ANGPTL7: variants seen among roughly 807,000 people sequenced by gnomAD.
ANGPTL7 encodes the protein angiopoietin like 7, also known as angiopoietin-related protein 7.
Under a neutral mutation model 38.8 loss-of-function variants are expected in ANGPTL7, and 37 were observed. The observed-to-expected ratio is 0.95, with a 90% CI of 0.73 to 1.25. ANGPTL7 has a LOEUF of 1.25. ANGPTL7 is among the 50% of genes most tolerant of loss of function. ANGPTL7 has a pLI of 0.00. For synonymous variants in ANGPTL7, 166 were observed against 163.2 expected (o/e 1.02, Z -0.13); for missense variants, 427 against 438.6 (o/e 0.97, Z 0.24).
chr1:11,192,496 C>G, intron 2 of ANGPTL7, 126 bp downstream of exon 2: 1 of 754,030 alleles, frequency 1.3e-6, no homozygotes, highest in South Asian at 1.7e-5. Context: ...TGGCTCACAC[C>G]TGTAATCCCA....
rs946800795 is a variant in ANGPTL7 at position 11,195,647 on chromosome 1, C to T, written c.*624C>T. On this transcript the variant is annotated 3_prime_UTR_variant, in exon 5 of 5. Transcript: ENST00000376819. ...CTGGCGATCAGACTCTGAGCACTGC[C>T]CCTGCTCGCCTTGGTCATGTACAGC... The T allele has an allele frequency of 2.0e-5, 3 of 153,632 alleles. No homozygotes were observed. Among genetic ancestry groups the T allele is most frequent in the Admixed American group, 1.9e-4 (3 of 15,412 alleles). 9.5% of individuals were successfully genotyped at this position (153,632 alleles called of 1,614,324 possible). A position where few individuals can be genotyped will look rare whatever the true frequency, so the allele number is the denominator to read the frequency against.
rs746484379 is a variant in ANGPTL7, at chr1:11,194,987, G to C, written c.1005G>C (p.Val335=). The change falls in exon 5 of 5, where the codon GTG becomes GTC. Residue 335 remains valine (V), a synonymous_variant. Transcript: ENST00000376819. ...WHGSTYSLKR[V]EMKIRPEDFK... ...GATCTACCTACTCCCTCAAACGGGT[G>C]GAGATGAAAATCCGCCCAGAAGACT... The C allele has an allele frequency of 1.9e-5, 31 of 1,614,032 alleles. 1 individual carries two copies. In the Middle Eastern group the frequency reaches 2.5e-3, roughly 131 times the overall value.
In ANGPTL7 at chr1:11,193,716, G is replaced by T; in HGVS notation, c.614G>T (p.Gly205Val). ...FGSIRGDFWL[G>V]NEHIHRLSRQ... ...AGCATCCGTGGGGACTTCTGGCTGG[G>T]GAACGAACACATCCACCGGCTCTCC... Residue 205 changes from glycine (G) to valine (V), a missense_variant, in exon 3 of 5, where the codon GGG becomes GTG. Coordinates refer to ENST00000376819, the MANE Select transcript of ANGPTL7 (RefSeq NM_021146.4). 6.2e-7 allele frequency: 1 copy of T among 1,614,118 alleles called. No individual in the cohort carries two copies. Among genetic ancestry groups the T allele is most frequent in the Non-Finnish European group, 8.5e-7 (1 of 1,180,018 alleles).
chr1:11,194,684 G>A (rs1386152143), intron 4 of ANGPTL7, 25 bp downstream of exon 4: 1 of 1,613,760 alleles, frequency 6.2e-7, no homozygotes, highest in African/African-American at 1.3e-5. Context: ...GACCGGAAAG[G>A]AGAAGTTCAG....
At chr1:11,192,156 G>C in intron 1 of ANGPTL7, 114 bp from the exon 2 acceptor site, 1 of 792,646 alleles carries the variant, frequency 1.3e-6, no homozygotes, top group Non-Finnish European at 2.1e-6. Flanking sequence ...ACACTGATGG[G>C]TAATTAACAC....
In ANGPTL7 at chr1:11,194,559, T is replaced by C. The variant is rs1399920366; in HGVS notation, c.771T>C (p.Asn257=). ...YRLFLGNYTG[N]VGNDALQYHN... ...TCTTCCTGGGGAACTACACTGGCAATGTGGGGAACGACGCCCTCCAGTATC... is the reference window on the plus strand; with the variant it reads ...TCTTCCTGGGGAACTACACTGGCAACGTGGGGAACGACGCCCTCCAGTATC... Residue 257 remains asparagine (N), a synonymous_variant, in exon 4 of 5, where the codon AAT becomes AAC. Transcript: ENST00000376819. The C allele has an allele frequency of 1.4e-5, 22 of 1,613,968 alleles. No homozygotes were observed. The highest frequency in any genetic ancestry group is 2.7e-5 in the African/African-American group (2 of 74,888).
At chr1:11,192,972 T>A (rs934089836) in intron 2 of ANGPTL7, among the ~76,000 whole-genome samples, 1 of 151,962 alleles carries the variant, frequency 6.6e-6, no homozygotes, top group African/African-American at 2.4e-5. Context: ...CTAGAACAGC[T>A]ATTCCTTGGG....
intron 4 of ANGPTL7, 35 bp from the exon 5 acceptor site, chr1:11,194,819 C>A: frequency 6.2e-7 from 1 of 1,611,070 alleles, no homozygotes; most frequent in Non-Finnish European, 8.5e-7. Context: ...CTATCACAGT[C>A]AACTTACTAG....
At chr1:11,192,748 TAAAAAAAAAAA>T (rs56996673) in intron 2 of ANGPTL7, among the ~76,000 whole-genome samples, 1 of 119,254 alleles carries the variant, frequency 8.4e-6, no homozygotes. Flanking sequence ...CCATTTCAAT[TAAAAAAAAAAA>T]AAAAAAAAAG....
intron 2 of ANGPTL7, 142 bp from the exon 3 acceptor site, chr1:11,193,438 A>C: frequency 1.4e-6 from 1 of 708,830 alleles, no homozygotes; most frequent in Middle Eastern, 3.7e-4. Flanking sequence ...GGGCAGCATC[A>C]CTGCCCGAGT....
intron 1 of ANGPTL7, among the ~76,000 whole-genome samples, chr1:11,191,049 A>G (rs1191295340): frequency 6.6e-6 from 1 of 152,210 alleles, no homozygotes; most frequent in Non-Finnish European, 1.5e-5. Context: ...GTGAGTCCTG[A>G]TTTGGTCTGT....
chr1:11,191,493 C>T (rs1412847033), intron 1 of ANGPTL7, among the ~76,000 whole-genome samples: 2 of 152,172 alleles, frequency 1.3e-5, no homozygotes, highest in East Asian at 3.8e-4. Flanking sequence ...CGAGACATAG[C>T]AGGCAGGAAG....
intron 1 of ANGPTL7, among the ~76,000 whole-genome samples, chr1:11,191,875 G>A (rs926527642): frequency 4.6e-5 from 7 of 152,164 alleles, no homozygotes; most frequent in Admixed American, 3.9e-4. Context: ...AGATATTCAC[G>A]ACTGATTTGT....
At position 11,189,808 on chromosome 1, in the gene ANGPTL7, G is replaced by A. The variant is rs775409689; in HGVS notation, c.229G>A (p.Val77Met). 6.2e-6 allele frequency: 10 copies of A among 1,614,094 alleles called. No individual in the cohort carries two copies. In the East Asian group the frequency reaches 6.7e-5, roughly 11 times the overall value. ...GAAGCAGGAGAGGGACTGGGTCAGC[G>A]TGGTCATGCAGGTGATGGAGCTGGA... The part of the protein sequence containing the change: ...NKKQERDWVS[V>M]VMQVMELESN... Residue 77 changes from valine to methionine, a missense_variant, in exon 1 of 5, where the codon GTG becomes ATG. By Grantham distance (21) the Val-to-Met change is conservative. Transcript: ENST00000376819.
In ANGPTL7 at chr1:11,192,067, C is replaced by T. The variant is rs28991000; in HGVS notation, c.377-203C>T. Among the ~76,000 whole-genome samples, 348 of 152,248 alleles carry T rather than the reference C, an allele frequency of 2.3e-3. 5 individuals carry two copies. The highest frequency in any genetic ancestry group is 8.1e-3 in the African/African-American group (336 of 41,534). On this transcript the variant is annotated intron_variant, in intron 1 of 4. Coordinates refer to ENST00000376819, the MANE Select transcript of ANGPTL7 (RefSeq NM_021146.4). ...AATGCTATCCAGGTGAAGGGCTTCC[C>T]TACCCCTCTGCTCCACCGCTAGTAA...
intron 3 of ANGPTL7, 56 bp from the exon 4 acceptor site, chr1:11,194,405 G>C: frequency 6.5e-7 from 1 of 1,547,110 alleles, no homozygotes; most frequent in African/African-American, 1.4e-5. Context: ...GGGGTATAGA[G>C]ACAGCATGAA....
chr1:11,194,762 T>C, intron 4 of ANGPTL7, 92 bp from the exon 5 acceptor site: 1 of 1,597,502 alleles, frequency 6.3e-7, no homozygotes, highest in South Asian at 1.1e-5. Flanking sequence ...ATTCCGGTTT[T>C]GGTATTCTTT....
intron 2 of ANGPTL7, among the ~76,000 whole-genome samples, chr1:11,192,748 TAAAAAAAA>T (rs56996673): frequency 1.4e-4 from 17 of 119,236 alleles, no homozygotes; most frequent in African/African-American, 4.5e-4. Context: ...CCATTTCAAT[TAAAAAAAA>T]AAAAAAAAAA....
At chr1:11,190,623 T>G (rs948913603) in intron 1 of ANGPTL7, among the ~76,000 whole-genome samples, 4 of 152,228 alleles carry the variant, frequency 2.6e-5, no homozygotes, top group Non-Finnish European at 4.4e-5. Flanking sequence ...AAATATAGAC[T>G]TAATAGGCCA....
Sources: allele counts gnomAD v4.1 joint callset (sites outside exome capture counted in the v4.1 genomes callset), GRCh38; gene constraint gnomAD v4.1.1; transcripts MANE v1.5; gene names NCBI Gene and HGNC (gene_info 2026-07-23, HGNC 2026-07-21).